Variants in WDR44 observed in about 807,000 individuals in gnomAD.
WDR44 encodes WD repeat domain 44, also known as WD repeat-containing protein 44.
WDR44 carries 9 observed loss-of-function variants against 65.7 expected under a neutral mutation model. The ratio of observed to expected loss-of-function variants is 0.14; its 90% CI spans 0.08 to 0.24. The LOEUF (loss-of-function observed/expected upper bound fraction) is 0.24, where lower values mean the gene tolerates loss of function less well. Among genes scored for constraint, WDR44 ranks in the 10% least tolerant of loss-of-function variants. The probability of loss-of-function intolerance (pLI) is 1.00; values close to 1 mark genes in which losing one functional copy is unlikely to be tolerated. For synonymous variants in WDR44, 220 were observed against 235.2 expected (o/e 0.94, Z 0.59); for missense variants, 425 against 670.9 (o/e 0.63, Z 4.05).
chrX:118,346,580 G>A lies in WDR44; in HGVS notation c.77G>A (p.Gly26Glu). 5 of 1,183,207 alleles carry A rather than the reference G, an allele frequency of 4.2e-6. No individual in the cohort carries two copies. Among genetic ancestry groups the A allele is most frequent in the Non-Finnish European group, 5.7e-6 (5 of 878,549 alleles). ...DVHLGGGYPVGSPGKVGLSTF... is the reference protein window; with the variant it reads ...DVHLGGGYPVESPGKVGLSTF... ...CACCTAGGGGGCGGCTACCCCGTGG[G>A]GTAAGTGACTGCAGCTATGACAGGA... is the stretch of plus-strand genomic sequence containing the variant. Residue 26 changes from glycine (G) to glutamate (E), a missense_variant and splice_region_variant, in exon 1 of 20, where the codon GGG becomes GAG. Around this residue, in one of 5 missense-constraint regions of WDR44, gnomAD observed 193 missense variants for 209.0 expected, o/e 0.92. Coordinates refer to ENST00000254029, the MANE Select transcript of WDR44 (RefSeq NM_019045.5).
At chrX:118,393,702 G>C (rs2056841319) in intron 4 of WDR44, among the ~76,000 whole-genome samples, 1 of 111,971 alleles carries the variant, frequency 8.9e-6, no homozygotes, top group Non-Finnish European at 1.9e-5. Context: ...TGGCAACCAA[G>C]TTATTAAAAT....
At chrX:118,436,643 G>T in intron 13 of WDR44, 59 bp from the exon 14 acceptor site, 1 of 1,146,710 alleles carries the variant, frequency 8.7e-7, no homozygotes, top group Non-Finnish European at 1.2e-6. Flanking sequence ...CACTTTTATT[G>T]TATAAATAGG....
intron 9 of WDR44, among the ~76,000 whole-genome samples, chrX:118,404,743 C>T (rs1453265192): frequency 1.8e-5 from 2 of 111,854 alleles, no homozygotes; most frequent in Non-Finnish European, 3.8e-5. Flanking sequence ...CTCTGTTGCC[C>T]AGGCTGGAGT....
chrX:118,347,352 A>G (rs2056361238), intron 1 of WDR44, among the ~76,000 whole-genome samples: 1 of 111,837 alleles, frequency 8.9e-6, no homozygotes, highest in Non-Finnish European at 1.9e-5. Flanking sequence ...ATTCTGCAAG[A>G]TGTTTTAGTG....
intron 12 of WDR44, among the ~76,000 whole-genome samples, chrX:118,431,418 C>G (rs1452502298): frequency 1.8e-5 from 2 of 111,966 alleles, no homozygotes; most frequent in Non-Finnish European, 3.8e-5. Context: ...ATTCTCCTGC[C>G]TTAGCCTCCC....
intron 12 of WDR44, among the ~76,000 whole-genome samples, chrX:118,429,268 T>C (rs1008544008): frequency 9.0e-6 from 1 of 111,453 alleles, no homozygotes; most frequent in Non-Finnish European, 1.9e-5. Flanking sequence ...TTTAAACTTT[T>C]TGACCCAGTA....
chrX:118,431,826 T>A (rs1569382800), intron 12 of WDR44, among the ~76,000 whole-genome samples: 1 of 112,097 alleles, frequency 8.9e-6, no homozygotes, highest in African/African-American at 3.2e-5. Flanking sequence ...GTTCTGCTGT[T>A]CACAGGTGGC....
intron 12 of WDR44, among the ~76,000 whole-genome samples, chrX:118,426,641 G>A: frequency 9.1e-6 from 1 of 109,999 alleles, no homozygotes; most frequent in Middle Eastern, 4.7e-3. Context: ...AGGAGGCGGA[G>A]GTTACAGTGA....
At chrX:118,421,259 G>A (rs939922432) in intron 12 of WDR44, among the ~76,000 whole-genome samples, 3 of 111,719 alleles carry the variant, frequency 2.7e-5, no homozygotes, top group Non-Finnish European at 3.8e-5. Context: ...CTTTTATTGC[G>A]CTTATTTCAG....
intron 12 of WDR44, among the ~76,000 whole-genome samples, chrX:118,423,082 C>T (rs1284899190): frequency 3.6e-5 from 4 of 111,097 alleles, no homozygotes; most frequent in Non-Finnish European, 5.7e-5. Context: ...ACAAAAGAGA[C>T]AAAAATATCT....
chrX:118,413,474 A>G (rs1247758580), intron 12 of WDR44, among the ~76,000 whole-genome samples: 1 of 112,006 alleles, frequency 8.9e-6, no homozygotes, highest in East Asian at 2.8e-4. Context: ...TGTGTTGGCC[A>G]TTTGTATATT....
intron 12 of WDR44, among the ~76,000 whole-genome samples, chrX:118,422,278 T>G (rs971500587): frequency 4.5e-5 from 5 of 110,286 alleles, no homozygotes; most frequent in Admixed American, 3.9e-4. Context: ...GTACCTGTAG[T>G]CCAGCTACTT....
At chrX:118,365,498 C>A (rs970246184) in intron 1 of WDR44, among the ~76,000 whole-genome samples, 21 of 109,172 alleles carry the variant, frequency 1.9e-4, no homozygotes, top group African/African-American at 6.4e-4. Context: ...CAGAGCAAGA[C>A]CCTGTCTCCA....
chrX:118,361,863 G>T (rs191221330), intron 1 of WDR44, among the ~76,000 whole-genome samples: 1 of 112,392 alleles, frequency 8.9e-6, no homozygotes, highest in East Asian at 2.8e-4. Context: ...ATTGGAAAAG[G>T]TGTTCCTATA....
intron 13 of WDR44, among the ~76,000 whole-genome samples, chrX:118,435,403 C>T (rs1273262068): frequency 3.6e-5 from 4 of 112,258 alleles, no homozygotes; most frequent in Admixed American, 9.4e-5. Context: ...TCAGCCTCCC[C>T]GAGTAGCTGG....
intron 19 of WDR44, among the ~76,000 whole-genome samples, chrX:118,446,189 C>T (rs949194106): frequency 1.8e-5 from 2 of 111,446 alleles, no homozygotes; most frequent in Non-Finnish European, 3.8e-5. Flanking sequence ...GAGGCTGAGG[C>T]AGGAGAAGTG....
intron 13 of WDR44, among the ~76,000 whole-genome samples, chrX:118,434,095 A>G (rs2057234076): frequency 8.9e-6 from 1 of 112,430 alleles, no homozygotes; most frequent in Admixed American, 9.5e-5. Context: ...AAACAGGATG[A>G]CAAAAATAAC....
At chrX:118,417,653 G>A (rs1383260656) in intron 12 of WDR44, among the ~76,000 whole-genome samples, 1 of 111,938 alleles carries the variant, frequency 8.9e-6, no homozygotes, top group Non-Finnish European at 1.9e-5. Context: ...CGTGATGACA[G>A]TGTGCCTACG....
At chrX:118,432,986 C>T (rs2057225194) in intron 13 of WDR44, 92 bp downstream of exon 13, 1 of 820,428 alleles carries the variant, frequency 1.2e-6, no homozygotes, top group Non-Finnish European at 1.8e-6. Flanking sequence ...CGGGAAACCT[C>T]AGTTTTTTGT....
Sources: gnomAD v4.1 joint callset for allele counts (sites outside exome capture counted in the v4.1 genomes callset) on GRCh38, gnomAD v4.1.1 for gene constraint, gnomAD v4.1.1 regional missense constraint, MANE v1.5 for transcripts, NCBI Gene and HGNC (gene_info 2026-07-23, HGNC 2026-07-21) for gene names.